The following TBC1D5 variants were observed in gnomAD, a reference collection of about 807,000 sequenced individuals.
TBC1D5 encodes TBC1 domain family, member 5.
A neutral mutation model predicts 100.3 loss-of-function variants in TBC1D5; 75 were observed. That is an observed-to-expected ratio of 0.75 (90% confidence interval 0.62 to 0.91). The LOEUF (loss-of-function observed/expected upper bound fraction) is 0.91, where lower values mean the gene tolerates loss of function less well. TBC1D5 is among the 40% of genes least tolerant of loss of function. TBC1D5 has a pLI of 0.00. For synonymous variants in TBC1D5, 323 were observed against 325.6 expected, an observed-to-expected ratio of 0.99 and a Z score of 0.09; for missense variants, 910 against 942.4, an observed-to-expected ratio of 0.97 and a Z score of 0.45.
intron 1 of TBC1D5, among the ~76,000 whole-genome samples, chr3:17,727,152 G>T (rs2076194235): frequency 6.6e-6 from 1 of 152,160 alleles, no homozygotes; most frequent in Non-Finnish European, 1.5e-5. Flanking sequence ...GGAGGCTGAG[G>T]CAGGTGGATA....
At chr3:17,241,082 A>G (rs1218959053) in intron 16 of TBC1D5, among the ~76,000 whole-genome samples, 2 of 152,014 alleles carry the variant, frequency 1.3e-5, no homozygotes, top group Non-Finnish European at 2.9e-5. Context: ...TTTTTTTTCA[A>G]AACAACAATT....
intron 8 of TBC1D5, among the ~76,000 whole-genome samples, chr3:17,394,491 C>T (rs1244320058): frequency 6.6e-6 from 1 of 152,004 alleles, no homozygotes; most frequent in Non-Finnish European, 1.5e-5. Flanking sequence ...TACTAGATGA[C>T]TATTAATGAC....
intron 18 of TBC1D5, among the ~76,000 whole-genome samples, chr3:17,212,325 T>G (rs115520279): frequency 6.6e-6 from 1 of 152,174 alleles, no homozygotes; most frequent in African/African-American, 2.4e-5. Context: ...CATAATGTCA[T>G]AGTGCAATGG....
chr3:17,735,341 G>A (rs1357059233), intron 1 of TBC1D5, among the ~76,000 whole-genome samples: 1 of 152,130 alleles, frequency 6.6e-6, no homozygotes, highest in Non-Finnish European at 1.5e-5. Flanking sequence ...GAAAACTAAT[G>A]ACATGAGTAA....
chr3:17,242,649 G>A (rs570897166), intron 16 of TBC1D5, among the ~76,000 whole-genome samples: 2 of 151,988 alleles, frequency 1.3e-5, no homozygotes, highest in Non-Finnish European at 2.9e-5. Context: ...TAGCCTTGTT[G>A]GCTCATTTGT....
In TBC1D5 at chr3:17,563,792, G is replaced by GT. The variant is rs1382367924; in HGVS notation, c.-35-55188dup. Among the ~76,000 whole-genome samples the GT allele has an allele frequency of 2.1e-4, 32 of 151,656 alleles. No homozygotes were observed. In the East Asian group the frequency reaches 4.8e-3, roughly 23 times the overall value. On this transcript the variant is annotated intron_variant, in intron 2 of 21. Transcript: ENST00000253692. ...TTGTTTTTTGTTTTTTGTTTTTTTG[G>GT]TTTTTTTTGAGACGGAGTCTCCCTC... is the stretch of plus-strand genomic sequence containing the variant.
chr3:17,230,991 G>A (rs1240005077), intron 17 of TBC1D5, among the ~76,000 whole-genome samples: 2 of 152,140 alleles, frequency 1.3e-5, no homozygotes, highest in African/African-American at 2.4e-5. Context: ...TGTCTAGGGA[G>A]TTATAAGAAA....
intron 19 of TBC1D5, among the ~76,000 whole-genome samples, chr3:17,179,339 T>C (rs993089186): frequency 1.3e-5 from 2 of 152,242 alleles, no homozygotes; most frequent in Non-Finnish European, 2.9e-5. Flanking sequence ...TTTCCAAAGA[T>C]ATTCATTGAA....
intron 3 of TBC1D5, among the ~76,000 whole-genome samples, chr3:17,486,020 T>A (rs2095561972): frequency 6.6e-6 from 1 of 151,956 alleles, no homozygotes; most frequent in Admixed American, 6.5e-5. Flanking sequence ...CCTGACTTTT[T>A]AATGGTCGCC....
rs76310091 is a variant in TBC1D5, at chr3:17,554,291, G to A, written c.-35-45686C>T. On this transcript the variant is annotated intron_variant, in intron 2 of 21. Coordinates refer to ENST00000253692, the Ensembl canonical transcript of TBC1D5. ...TTTAAAGGAACTCACCCGAAACATCGTTTGGAAATAATCTTTCAAATAAAT... is the reference window on the plus strand; with the variant it reads ...TTTAAAGGAACTCACCCGAAACATCATTTGGAAATAATCTTTCAAATAAAT... 5.4e-3 allele frequency among the ~76,000 whole-genome samples: 820 copies of A among 152,246 alleles called. 3 individuals carry two copies. The highest frequency in any genetic ancestry group is 0.019 in the South Asian group (92 of 4,828).
At chr3:17,416,572 AC>A (rs1445827131) in intron 4 of TBC1D5, among the ~76,000 whole-genome samples, 1 of 152,222 alleles carries the variant, frequency 6.6e-6, no homozygotes, top group Non-Finnish European at 1.5e-5. Flanking sequence ...GTTAAATAAT[AC>A]ATGTGGTTAA....
At chr3:17,612,646 T>A (rs897645023) in intron 2 of TBC1D5, among the ~76,000 whole-genome samples, 5 of 151,006 alleles carry the variant, frequency 3.3e-5, no homozygotes, top group African/African-American at 9.8e-5. Flanking sequence ...AAATAAAAAA[T>A]AAAATAAACA....
chr3:17,516,031 G>A (rs1422815586), intron 2 of TBC1D5, among the ~76,000 whole-genome samples: 1 of 152,210 alleles, frequency 6.6e-6, no homozygotes, highest in East Asian at 1.9e-4. Flanking sequence ...CAGCAGCTAA[G>A]AAGCACCAGT....
intron 15 of TBC1D5, among the ~76,000 whole-genome samples, chr3:17,290,078 C>T (rs1429818891): frequency 6.6e-6 from 1 of 152,190 alleles, no homozygotes; most frequent in Admixed American, 6.5e-5. Flanking sequence ...ACTCCCTCAT[C>T]ATGCCCAATT....
intron 2 of TBC1D5, among the ~76,000 whole-genome samples, chr3:17,548,824 A>G (rs1002972478): frequency 5.9e-5 from 9 of 152,248 alleles, no homozygotes; most frequent in African/African-American, 2.2e-4. Flanking sequence ...TACAAAACAT[A>G]CAATTAAAAT....
chr3:17,221,861 T>C (rs890139834), intron 17 of TBC1D5, among the ~76,000 whole-genome samples: 1 of 152,174 alleles, frequency 6.6e-6, no homozygotes, highest in Non-Finnish European at 1.5e-5. Context: ...ATCACTAAGT[T>C]TGTGATAATT....
chr3:17,384,855 G>C (rs1185124579), intron 8 of TBC1D5, among the ~76,000 whole-genome samples: 1 of 152,048 alleles, frequency 6.6e-6, no homozygotes, highest in South Asian at 2.1e-4. Context: ...AGGCTGGAAA[G>C]AACTTTGAAT....
chr3:17,499,902 A>G (rs1224896285), intron 3 of TBC1D5, among the ~76,000 whole-genome samples: 1 of 149,242 alleles, frequency 6.7e-6, no homozygotes, highest in East Asian at 1.9e-4. Flanking sequence ...AACTACCACC[A>G]CACAACCTCC....
At chr3:17,167,934 C>T (rs186086326) in intron 19 of TBC1D5, 106 bp from the exon 21 acceptor site, 7 of 751,924 alleles carry the variant, frequency 9.3e-6, no homozygotes, top group Admixed American at 2.7e-5. Flanking sequence ...CCAAATCTCA[C>T]AGCAACTACT....
Sources: gnomAD v4.1 joint callset for allele counts (sites outside exome capture counted in the v4.1 genomes callset) on GRCh38, gnomAD v4.1.1 for gene constraint, MANE v1.5 for transcripts, NCBI Gene and HGNC (gene_info 2026-07-23, HGNC 2026-07-21) for gene names.